The following DERA variants were observed in gnomAD, a reference collection of about 807,000 sequenced individuals.
DERA encodes the protein deoxyribose-phosphate aldolase.
In DERA, 15 loss-of-function variants were observed where a neutral mutation model predicts 41.1. The ratio of observed to expected loss-of-function variants is 0.37; its 90% CI spans 0.24 to 0.56. The LOEUF (loss-of-function observed/expected upper bound fraction) is 0.56, where lower values mean the gene tolerates loss of function less well. Among genes scored for constraint, DERA ranks in the 20% least tolerant of loss-of-function variants. DERA has a pLI of 0.81. For missense variants in DERA, 396 were observed against 403.4 expected, an observed-to-expected ratio of 0.98 and a Z score of 0.16; for synonymous variants, 139 against 137.4, an observed-to-expected ratio of 1.01 and a Z score of -0.08.
chr12:15,982,219 G>A lies in DERA; in HGVS notation c.509-89G>A. 7.7e-7 allele frequency: 1 copy of A among 1,293,290 alleles called. No individual in the cohort carries two copies. The highest frequency in any genetic ancestry group is 1.5e-5 in the South Asian group (1 of 66,516). 80.1% of individuals were successfully genotyped at this position (1,293,290 alleles called of 1,614,324 possible). A position where few individuals can be genotyped will look rare whatever the true frequency, so the allele number is the denominator to read the frequency against. ...GACAAATGTTTTATGTTTCCTAAAT[G>A]TGAAATGGGTTCCACCAGCTCTAAA... On this transcript the variant is annotated intron_variant, in intron 5 of 8. Coordinates refer to ENST00000428559, the MANE Select transcript of DERA (RefSeq NM_015954.4). The surrounding 1 kb of genome is among the most constrained non-coding windows in gnomAD (Gnocchi z 4.0).
chr12:15,958,420 T>G, intron 3 of DERA, 85 bp downstream of exon 3: 2 of 1,056,464 alleles, frequency 1.9e-6, no homozygotes, highest in Non-Finnish European at 2.6e-6. Flanking sequence ...ATACAGCTGC[T>G]AATGATAGCG....
intron 1 of DERA, among the ~76,000 whole-genome samples, chr12:15,945,431 G>A (rs529050305): frequency 1.1e-4 from 17 of 152,302 alleles, no homozygotes; most frequent in African/African-American, 3.6e-4. Flanking sequence ...AGTTCTCCTT[G>A]AAGAGGTCCT....
At position 16,020,913 on chromosome 12, in the gene DERA, T is replaced by G. The variant is rs886298822; in HGVS notation, c.638-11629T>G. On this transcript the variant is annotated intron_variant, in intron 6 of 8. Coordinates refer to ENST00000428559, the MANE Select transcript of DERA (RefSeq NM_015954.4). This position sits in a 1 kb window ranked among gnomAD's most constrained non-coding sequence, Gnocchi z 5.5. ...TTTCTAAGCAGCAAAGCATTCATGA[T>G]GTGGCCCGGCTACTTCTAACAGCCT... 1.3e-5 allele frequency among the ~76,000 whole-genome samples: 2 copies of G among 152,222 alleles called. No homozygotes were observed. The highest frequency in any genetic ancestry group is 2.1e-4 in the South Asian group (1 of 4,828).
In DERA at chr12:15,962,323, G is replaced by T. The variant is rs1306352183; in HGVS notation, c.374-490G>T. ...CATAGGCAGTGGGAGGAACACATAG[G>T]ACAGTTTGTTTACCACAGCTAAAGA... On this transcript the variant is annotated intron_variant, in intron 4 of 8. Transcript: ENST00000428559. 2.0e-5 allele frequency among the ~76,000 whole-genome samples: 3 copies of T among 152,184 alleles called. No individual in the cohort carries two copies. In the East Asian group the frequency reaches 5.8e-4, roughly 29 times the overall value.
intron 6 of DERA, among the ~76,000 whole-genome samples, chr12:16,025,583 A>G (rs1055026581): frequency 1.3e-5 from 2 of 152,160 alleles, no homozygotes; most frequent in Non-Finnish European, 2.9e-5. Flanking sequence ...AAAAAAAGAA[A>G]TAAACAAATC....
intron 1 of DERA, among the ~76,000 whole-genome samples, chr12:15,956,172 T>A (rs964950655): frequency 6.6e-6 from 1 of 152,208 alleles, no homozygotes; most frequent in East Asian, 1.9e-4. Context: ...GGTAGAGATC[T>A]ATCCAAATGT....
intron 5 of DERA, among the ~76,000 whole-genome samples, chr12:15,968,467 G>C (rs1565599640): frequency 6.6e-6 from 1 of 152,162 alleles, no homozygotes; most frequent in Non-Finnish European, 1.5e-5. Context: ...GACATCACCC[G>C]GCCAGGCAGC....
intron 6 of DERA, among the ~76,000 whole-genome samples, chr12:15,997,276 C>A (rs1008286957): frequency 1.3e-5 from 2 of 152,026 alleles, no homozygotes; most frequent in Admixed American, 1.3e-4. Flanking sequence ...CTTGTGTTCT[C>A]TTTTCCTCCG....
At chr12:15,951,095 G>T (rs1393421305) in intron 1 of DERA, among the ~76,000 whole-genome samples, 2 of 152,216 alleles carry the variant, frequency 1.3e-5, no homozygotes, top group African/African-American at 4.8e-5. Flanking sequence ...TGGGTCCTGT[G>T]TACCTTGAGC....
In DERA at chr12:15,972,912, G is replaced by T. The variant is rs1246709949; in HGVS notation, c.509-9396G>T. ...TGCGGGGACAGCATTGCAGAAGGTA[G>T]GGCCAGTTGTCAACCTGATTTGGAT... On this transcript the variant is annotated intron_variant, in intron 5 of 8. Transcript: ENST00000428559. This position sits in a 1 kb window ranked among gnomAD's most constrained non-coding sequence, Gnocchi z 4.4. 1.3e-5 allele frequency among the ~76,000 whole-genome samples: 2 copies of T among 152,166 alleles called. No individual in the cohort carries two copies. The highest frequency in any genetic ancestry group is 2.9e-5 in the Non-Finnish European group (2 of 68,016).
rs1365105523 is a variant in DERA, at chr12:16,014,738, C to A, written c.638-17804C>A. 6.6e-6 allele frequency among the ~76,000 whole-genome samples: 1 copy of A among 152,164 alleles called. No individual in the cohort carries two copies. The highest frequency in any genetic ancestry group is 1.5e-5 in the Non-Finnish European group (1 of 68,028). On this transcript the variant is annotated intron_variant, in intron 6 of 8. Transcript: ENST00000428559. This position sits in a 1 kb window ranked among gnomAD's most constrained non-coding sequence, Gnocchi z 5.4. ...TCCTCCAGACCCCAGAATGGTAGAT[C>A]CACCAACAGCTTGCACCGTGGGCTT... is the stretch of plus-strand genomic sequence containing the variant.
At chr12:15,987,979 G>A (rs116280911) in intron 6 of DERA, among the ~76,000 whole-genome samples, 2,208 of 152,270 alleles carry the variant, frequency 0.015, 46 homozygotes, top group African/African-American at 0.05. Context: ...AGGGTGGGCA[G>A]CTCCAGGTGC....
Position 16,000,350 on chromosome 12 carries a change from G to T in DERA, c.637+17914G>T, listed in dbSNP as rs1316246856. ...ACGTTTTTAAGGAAATCTGATGAAG[G>T]CTATGAAGGTGAAAGAAAGGCTATT... On this transcript the variant is annotated intron_variant, in intron 6 of 8. Transcript: ENST00000428559. The surrounding 1 kb of genome is among the most constrained non-coding windows in gnomAD (Gnocchi z 4.8). 6.6e-6 allele frequency among the ~76,000 whole-genome samples: 1 copy of T among 152,174 alleles called. No homozygotes were observed. Among genetic ancestry groups the T allele is most frequent in the African/African-American group, 2.4e-5 (1 of 41,440 alleles).
At chr12:15,932,799 T>C (rs1272072761) in intron 1 of DERA, among the ~76,000 whole-genome samples, 1 of 152,212 alleles carries the variant, frequency 6.6e-6, no homozygotes, top group African/African-American at 2.4e-5. Flanking sequence ...TTGAACTCAA[T>C]AGATCTTCTA....
chr12:15,930,971 A>T (rs1948323404), intron 1 of DERA, among the ~76,000 whole-genome samples: 1 of 152,174 alleles, frequency 6.6e-6, no homozygotes, highest in Non-Finnish European at 1.5e-5. Context: ...ATAGGTACAG[A>T]TATTGTATAA....
In DERA at chr12:15,941,974, CATCACCA is replaced by C. The variant is rs543356688; in HGVS notation, c.32-14959_32-14953del. Among the ~76,000 whole-genome samples the C allele has an allele frequency of 1.4e-3, 211 of 152,298 alleles. 1 individual carries two copies. The highest frequency in any genetic ancestry group is 5.0e-3 in the African/African-American group (207 of 41,568). On this transcript the variant is annotated intron_variant, in intron 1 of 8. Transcript: ENST00000428559. This position sits in a 1 kb window ranked among gnomAD's most constrained non-coding sequence, Gnocchi z 4.5. ...TAGTGGTTGTACTAATTTACATTCCCATCACCAATGTAAAAGTGTTCCCTTTTCACCA... is the reference window on the plus strand; with the variant it reads ...TAGTGGTTGTACTAATTTACATTCCCATGTAAAAGTGTTCCCTTTTCACCA...
intron 5 of DERA, among the ~76,000 whole-genome samples, 172 bp downstream of exon 5, chr12:15,963,119 A>G (rs1285020582): frequency 2.0e-5 from 3 of 152,206 alleles, no homozygotes; most frequent in Admixed American, 6.5e-5. Context: ...TGCCCCTCAT[A>G]AATCTAGGCA....
Position 15,988,868 on chromosome 12 carries a change from A to G in DERA, c.637+6432A>G, listed in dbSNP as rs113629049. 7.9e-3 allele frequency among the ~76,000 whole-genome samples: 1,209 copies of G among 152,196 alleles called. 6 individuals carry two copies. The highest frequency in any genetic ancestry group is 0.021 in the South Asian group (99 of 4,820). ...CCCTCAGCCCCTTGGCCTTTCTCCT[A>G]TGCTTGTTGTCGCCCAAAGTCCAGA... On this transcript the variant is annotated intron_variant, in intron 6 of 8. Transcript: ENST00000428559. This position sits in a 1 kb window ranked among gnomAD's most constrained non-coding sequence, Gnocchi z 6.0.
rs1948812306 is a variant in DERA, at chr12:15,993,027, A to G, written c.637+10591A>G. Among the ~76,000 whole-genome samples the G allele has an allele frequency of 6.6e-6, 1 of 152,204 alleles. No individual in the cohort carries two copies. The highest frequency in any genetic ancestry group is 2.1e-4 in the South Asian group (1 of 4,832). On this transcript the variant is annotated intron_variant, in intron 6 of 8. Coordinates refer to ENST00000428559, the MANE Select transcript of DERA (RefSeq NM_015954.4). This position sits in a 1 kb window ranked among gnomAD's most constrained non-coding sequence, Gnocchi z 4.4. ...TGAGAAAAGCAGACCTTGAAGGAAT[A>G]CAAAATGAGTTTTGAACTTGGCTGG...
Sources: gnomAD v4.1 joint callset for allele counts (sites outside exome capture counted in the v4.1 genomes callset) on GRCh38, gnomAD v4.1.1 for gene constraint, Gnocchi (gnomAD v3.1) non-coding constraint, MANE v1.5 for transcripts, NCBI Gene and HGNC (gene_info 2026-07-23, HGNC 2026-07-21) for gene names.